The following TPRG1L variants were observed in gnomAD, a reference collection of about 807,000 sequenced individuals.
TPRG1L encodes tumor protein p63-regulated gene 1-like protein.
In TPRG1L, 25 loss-of-function variants were observed where a neutral mutation model predicts 29.4. The observed-to-expected ratio is 0.85, with a 90% CI of 0.62 to 1.19. The LOEUF (loss-of-function observed/expected upper bound fraction) is 1.19, where lower values mean the gene tolerates loss of function less well. Ranked by LOEUF, TPRG1L falls within the 50% of genes most tolerant of loss-of-function variation. TPRG1L has a pLI of 0.00. For synonymous variants in TPRG1L, 182 were observed against 151.1 expected, an observed-to-expected ratio of 1.20 and a Z score of -1.50; for missense variants, 354 against 364.4, an observed-to-expected ratio of 0.97 and a Z score of 0.23.
At position 3,625,996 on chromosome 1, in the gene TPRG1L, A is replaced by G. The variant is rs1242710741; in HGVS notation, c.470+107A>G. The G allele has an allele frequency of 4.5e-6, 5 of 1,102,886 alleles. No individual in the cohort carries two copies. The Admixed American group carries it at 1.4e-4, about 32-fold the overall frequency. The allele number at this position is 1,102,886 out of a possible 1,614,324, so 68.3% of individuals were successfully genotyped here. On this transcript the variant is annotated intron_variant, in intron 3 of 4. Transcript: ENST00000378344. ...CAAGCGGTGTGTCTTCTCTGTCATT[A>G]ATTATAAGCACAAAGGCTCCAGCTC...
chr1:3,627,024 A>G (rs1420310645), intron 3 of TPRG1L, among the ~76,000 whole-genome samples: 2 of 152,222 alleles, frequency 1.3e-5, no homozygotes, highest in East Asian at 3.9e-4. Context: ...TAAAAACCAC[A>G]GGCCGGCCAG....
chr1:3,625,293 C>T lies in TPRG1L; in HGVS notation c.201+20C>T, dbSNP rs1369006067. On this transcript the variant is annotated intron_variant, in intron 1 of 4. Transcript: ENST00000378344. ...TTCCGGGTGAGGCAGGGGCCAGGGC[C>T]GGGGCGGGGGCCGAGGGCGCGGGGC... 2.1e-6 allele frequency: 3 copies of T among 1,413,148 alleles called. No individual in the cohort carries two copies. Among genetic ancestry groups the T allele is most frequent in the South Asian group, 1.6e-5 (1 of 64,324 alleles). The allele number at this position is 1,413,148 out of a possible 1,614,324, so 87.5% of individuals were successfully genotyped here.
Position 3,629,821 on chromosome 1 carries a change from G to A in TPRG1L, c.*1218G>A, listed in dbSNP as rs554284659. On this transcript the variant is annotated 3_prime_UTR_variant, in exon 5 of 5. Coordinates refer to ENST00000378344, the MANE Select transcript of TPRG1L (RefSeq NM_182752.4). ...CCAAGTCTCACACTAAACATGCCCG[G>A]GCTTCGATGTGCCTGGAGGATTTCC... 6.6e-6 allele frequency: 1 copy of A among 152,394 alleles called. No homozygotes were observed. Among genetic ancestry groups the A allele is most frequent in the African/African-American group, 2.4e-5 (1 of 41,586 alleles). The allele number at this position is 152,394 out of a possible 1,614,324, so 9.4% of individuals were successfully genotyped here.
Position 3,627,597 on chromosome 1 carries a change from ACT to A in TPRG1L, c.569_570del (p.Thr190IlefsTer11), listed in dbSNP as rs1379484393. The A allele has an allele frequency of 1.9e-6, 3 of 1,614,026 alleles. No individual in the cohort carries two copies. The highest frequency in any genetic ancestry group is 2.5e-6 in the Non-Finnish European group (3 of 1,180,000). On this transcript the variant is annotated frameshift_variant, in exon 4 of 5. Coordinates refer to ENST00000378344, the MANE Select transcript of TPRG1L (RefSeq NM_182752.4). LOFTEE classifies it high-confidence loss of function. ...NPWSTNVPYATFTEHPMAGAD... is the reference protein window; with the variant it reads ...NPWSTNVPYAXFTEHPMAGAD... The stretch of plus-strand genomic sequence containing the variant: ...CTGGTCTACCAACGTGCCCTATGCC[ACT>A]TTCACAGAACACCCGATGGCTGGCG...
Position 3,625,760 on chromosome 1 carries a change from A to T in TPRG1L, c.341A>T (p.Glu114Val), listed in dbSNP as rs1292949014. The T allele has an allele frequency of 1.2e-6, 2 of 1,613,352 alleles. No individual in the cohort carries two copies. Among genetic ancestry groups the T allele is most frequent in the South Asian group, 1.1e-5 (1 of 91,082 alleles). The change falls in exon 3 of 5, where the codon GAG (glutamate) becomes GTG (valine). Residue 114 changes from glutamate to valine, a missense_variant. Coordinates refer to ENST00000378344, the MANE Select transcript of TPRG1L (RefSeq NM_182752.4). ...NEKERLVLVT[E>V]QSLLICKYDF... The stretch of plus-strand genomic sequence containing the variant: ...AAGGAGCGGCTGGTGCTGGTCACGG[A>T]GCAGTCCCTGCTTATCTGTAAATAC...
chr1:3,625,896 C>T lies in TPRG1L; in HGVS notation c.470+7C>T. 6.2e-7 allele frequency: 1 copy of T among 1,607,392 alleles called. No homozygotes were observed. On this transcript the variant is annotated splice_region_variant and intron_variant, in intron 3 of 4. Coordinates refer to ENST00000378344, the MANE Select transcript of TPRG1L (RefSeq NM_182752.4). ...CCCCTAAATCGCTCAACAAGTAAGC[C>T]TGTTCAGAGTCCAGTATCACTGGAC...
intron 3 of TPRG1L, among the ~76,000 whole-genome samples, chr1:3,627,283 C>G (rs1376507374): frequency 1.3e-5 from 2 of 152,064 alleles, no homozygotes; most frequent in Non-Finnish European, 2.9e-5. Flanking sequence ...ACACTCAAGC[C>G]TGGGCAACAA....
In TPRG1L at chr1:3,625,115, C is replaced by T; in HGVS notation, c.43C>T (p.Pro15Ser). 2.4e-6 allele frequency: 3 copies of T among 1,227,578 alleles called. No homozygotes were observed. The highest frequency in any genetic ancestry group is 3.1e-6 in the Non-Finnish European group (3 of 978,652). 76.0% of individuals were successfully genotyped at this position (1,227,578 alleles called of 1,614,324 possible). ...RDSVDSAGTS[P>S]TAVLAAGEEV... Reference sequence around the variant, plus strand: ...CTCGGTGGACTCGGCCGGTACGAGCCCCACGGCGGTGCTGGCGGCCGGCGA... The same window carrying T: ...CTCGGTGGACTCGGCCGGTACGAGCTCCACGGCGGTGCTGGCGGCCGGCGA... The change falls in exon 1 of 5, where the codon CCC (proline) becomes TCC (serine). Residue 15 changes from proline (P) to serine (S), a missense_variant. Physicochemically the swap from Pro to Ser is moderately conservative, Grantham distance 74. Coordinates refer to ENST00000378344, the MANE Select transcript of TPRG1L (RefSeq NM_182752.4).
Position 3,628,506 on chromosome 1 carries a change from GC to G in TPRG1L, c.727del (p.Leu243CysfsTer23). The G allele has an allele frequency of 6.2e-7, 1 of 1,614,018 alleles. No individual in the cohort carries two copies. On this transcript the variant is annotated frameshift_variant, in exon 5 of 5. Coordinates refer to ENST00000378344, the MANE Select transcript of TPRG1L (RefSeq NM_182752.4). LOFTEE classifies it high-confidence loss of function. Reference protein sequence around the residue: ...GQANGVLILERPLLIETYVGL... With the variant: ...GQANGVLILEXPLLIETYVGL... ...GCGAATGGCGTGCTGATCCTGGAGC[GC>G]CCCCTGCTCATCGAGACCTACGTGG...
chr1:3,628,638 AGCTCCTCCCCC>A lies in TPRG1L; in HGVS notation c.*36_*46del. On this transcript the variant is annotated 3_prime_UTR_variant, in exon 5 of 5. Transcript: ENST00000378344. ...TCTGGGAGCTCCTCCCCCTTCTGGG[AGCTCCTCCCCC>A]TCCCCAGAAGGCCAAGGGATGTGGG... is the stretch of plus-strand genomic sequence containing the variant. 4.7e-6 allele frequency: 7 copies of A among 1,500,592 alleles called. No individual in the cohort carries two copies. The highest frequency in any genetic ancestry group is 4.2e-5 in the African/African-American group (3 of 71,616). 93.0% of individuals were successfully genotyped at this position (1,500,592 alleles called of 1,614,324 possible). A position where few individuals can be genotyped will look rare whatever the true frequency, so the allele number is the denominator to read the frequency against.
Position 3,630,072 on chromosome 1 carries a change from G to A in TPRG1L, c.*1469G>A, listed in dbSNP as rs1490801638. 1.3e-5 allele frequency: 2 copies of A among 152,270 alleles called. No individual in the cohort carries two copies. Among genetic ancestry groups the A allele is most frequent in the Non-Finnish European group, 2.9e-5 (2 of 68,056 alleles). The allele number at this position is 152,270 out of a possible 1,614,324, so 9.4% of individuals were successfully genotyped here. On this transcript the variant is annotated 3_prime_UTR_variant, in exon 5 of 5. Transcript: ENST00000378344. ...TCTGTGTTCATAAAGACATTAAGAA[G>A]TGGATGGATGTTGTTCCTTTTTTGA...
At position 3,628,573 on chromosome 1, in the gene TPRG1L, C is replaced by T. The variant is rs569411884; in HGVS notation, c.789C>T (p.Tyr263=). ...SFINNEAKLG[Y]SMTRGKIGF ...TTAACAACGAGGCGAAACTGGGCTA[C>T]TCCATGACCAGGGGCAAAATAGGCT... Residue 263 remains tyrosine, a synonymous_variant, in exon 5 of 5, where the codon TAC becomes TAT. Transcript: ENST00000378344. 3 of 1,608,694 alleles carry T rather than the reference C, an allele frequency of 1.9e-6. No homozygotes were observed. The highest frequency in any genetic ancestry group is 2.2e-5 in the East Asian group (1 of 44,728).
At position 3,625,922 on chromosome 1, in the gene TPRG1L, C is replaced by T. The variant is rs1172879319; in HGVS notation, c.470+33C>T. 5 of 1,580,338 alleles carry T rather than the reference C, an allele frequency of 3.2e-6. No homozygotes were observed. The Admixed American group carries it at 5.1e-5, about 16-fold the overall frequency. On this transcript the variant is annotated intron_variant, in intron 3 of 4. Transcript: ENST00000378344. ...TGTTCAGAGTCCAGTATCACTGGAC[C>T]TAAGCACCAGAGTGGACCTTACAAT...
Position 3,625,440 on chromosome 1 carries a change from AG to A in TPRG1L, c.220del (p.Ala74GlnfsTer62), listed in dbSNP as rs1644478036. On this transcript the variant is annotated frameshift_variant, in exon 2 of 5. Coordinates refer to ENST00000378344, the MANE Select transcript of TPRG1L (RefSeq NM_182752.4). LOFTEE classifies it high-confidence loss of function. ...CCCGCCCAGCCCGGCAGCATCGAGC[AG>A]GCAGTGGAGGAGATCCGCGTGGTGG... Reference protein sequence around the residue: ...YFVFRPGSIEQAVEEIRVVVR... With the variant: ...YFVFRPGSIEXAVEEIRVVVR... 1.2e-6 allele frequency: 2 copies of A among 1,602,766 alleles called. No homozygotes were observed. The highest frequency in any genetic ancestry group is 1.7e-6 in the Non-Finnish European group (2 of 1,176,046).
rs771887643 is a variant in TPRG1L, at chr1:3,628,629, CCTTCT to C, written c.*27_*31del. 8.0e-4 allele frequency: 33 copies of C among 41,150 alleles called. No homozygotes were observed. The highest frequency in any genetic ancestry group is 0.026 in the East Asian group (1 of 38). The allele number at this position is 41,150 out of a possible 1,614,324, so 2.5% of individuals were successfully genotyped here. A position where few individuals can be genotyped will look rare whatever the true frequency, so the allele number is the denominator to read the frequency against. ...CCGCTGCGTTCTGGGAGCTCCTCCC[CCTTCT>C]GGGAGCTCCTCCCCCTCCCCAGAAG... On this transcript the variant is annotated 3_prime_UTR_variant, in exon 5 of 5. Transcript: ENST00000378344.
At chr1:3,628,141 C>T (rs1250215350) in intron 4 of TPRG1L, among the ~76,000 whole-genome samples, 1 of 152,200 alleles carries the variant, frequency 6.6e-6, no homozygotes. Context: ...GCCACTCAGC[C>T]CTGTATACAG....
chr1:3,625,971 CA>C, intron 3 of TPRG1L, 82 bp downstream of exon 3: 1 of 1,327,520 alleles, frequency 7.5e-7, no homozygotes, highest in Non-Finnish European at 1.0e-6. Flanking sequence ...ATCAGCCCCC[CA>C]AGCGGTGTGT....
At chr1:3,628,129 A>T (rs1235481967) in intron 4 of TPRG1L, among the ~76,000 whole-genome samples, 3 of 152,190 alleles carry the variant, frequency 2.0e-5, no homozygotes, top group African/African-American at 7.2e-5. Flanking sequence ...GGTGACGGCA[A>T]AGCCACTCAG....
intron 1 of TPRG1L, 30 bp downstream of exon 1, chr1:3,625,303 G>T: frequency 6.9e-7 from 1 of 1,439,234 alleles, no homozygotes; most frequent in Non-Finnish European, 9.0e-7. Context: ...CGGGGCGGGG[G>T]CCGAGGGCGC....
Sources: gnomAD v4.1 joint callset for allele counts (sites outside exome capture counted in the v4.1 genomes callset) on GRCh38, gnomAD v4.1.1 for gene constraint, MANE v1.5 for transcripts, NCBI Gene and HGNC (gene_info 2026-07-23, HGNC 2026-07-21) for gene names.